Variants in LARP4B observed in about 807,000 individuals in gnomAD.
LARP4B encodes La ribonucleoprotein 4B.
Under a neutral mutation model 89.8 loss-of-function variants are expected in LARP4B, and 12 were observed. The observed-to-expected ratio is 0.13, with a 90% confidence interval of 0.09 to 0.22. The LOEUF is 0.22. LARP4B is among the 10% of genes least tolerant of loss of function. LARP4B has a pLI of 1.00. For synonymous variants in LARP4B, 367 were observed against 363.3 expected (o/e 1.01, Z -0.12); for missense variants, 757 against 947.7 (o/e 0.80, Z 2.64).
the LARP4B span, among the ~76,000 whole-genome samples, chr10:975,338 A>G: frequency 6.6e-6 from 1 of 152,154 alleles, no homozygotes; most frequent in Non-Finnish European, 1.5e-5. Context: ...TTTATTTACT[A>G]ATGTCCCCAC....
chr10:981,799 C>A, the LARP4B span, among the ~76,000 whole-genome samples: 1 of 152,108 alleles, frequency 6.6e-6, no homozygotes, highest in South Asian at 2.1e-4. Flanking sequence ...GAACTCCTGA[C>A]CTCATGATCC....
intron 1 of LARP4B, among the ~76,000 whole-genome samples, chr10:909,117 AC>A (rs931458864): frequency 2.0e-5 from 3 of 151,864 alleles, no homozygotes; most frequent in South Asian, 4.2e-4. Context: ...ACACGGTGAA[AC>A]CCCGTCTCTA....
downstream of LARP4B, chr10:808,818 GCTT>G (rs1831640382): frequency 6.6e-6 from 1 of 151,008 alleles, no homozygotes; most frequent in African/African-American, 2.4e-5. Context: ...GTAGGGAAAG[GCTT>G]CTTAAGCAAG....
At chr10:900,024 G>A (rs939427310) in intron 1 of LARP4B, among the ~76,000 whole-genome samples, 1 of 151,418 alleles carries the variant, frequency 6.6e-6, no homozygotes, top group African/African-American at 2.4e-5. Context: ...AAAAAAAAAT[G>A]ATCACAGAAG....
intron 3 of LARP4B, among the ~76,000 whole-genome samples, chr10:881,133 C>T (rs913589607): frequency 1.3e-5 from 2 of 152,134 alleles, no homozygotes; most frequent in African/African-American, 4.8e-5. Flanking sequence ...AGGTAAAGAA[C>T]CTTTAACCAA....
chr10:911,844 T>A (rs984716032), intron 1 of LARP4B, among the ~76,000 whole-genome samples: 2 of 152,218 alleles, frequency 1.3e-5, no homozygotes, highest in Non-Finnish European at 2.9e-5. Flanking sequence ...CTGACTTTTG[T>A]GTGTGCAATG....
chr10:883,889 T>A (rs866815567), intron 3 of LARP4B, among the ~76,000 whole-genome samples: 4 of 152,202 alleles, frequency 2.6e-5, no homozygotes, highest in Admixed American at 1.3e-4. Context: ...ATAAAATATT[T>A]TTACTTTTTA....
At chr10:928,176 C>A (rs1005051998) in intron 1 of LARP4B, among the ~76,000 whole-genome samples, 1 of 150,886 alleles carries the variant, frequency 6.6e-6, no homozygotes, top group Non-Finnish European at 1.5e-5. Context: ...GAGCCAAGAA[C>A]GCACCATTGC....
chr10:905,522 A>G (rs1412842077), intron 1 of LARP4B, among the ~76,000 whole-genome samples: 1 of 152,204 alleles, frequency 6.6e-6, no homozygotes, highest in Non-Finnish European at 1.5e-5. Context: ...TCCTATCTTC[A>G]TTAGTCCCTC....
chr10:915,852 G>T (rs905669415), intron 1 of LARP4B, among the ~76,000 whole-genome samples: 4 of 146,836 alleles, frequency 2.7e-5, no homozygotes, highest in Non-Finnish European at 3.0e-5. Flanking sequence ...AAAAAAAAAG[G>T]TTTTTGCTTT....
At chr10:909,165 G>T (rs1836590574) in intron 1 of LARP4B, among the ~76,000 whole-genome samples, 1 of 152,022 alleles carries the variant, frequency 6.6e-6, no homozygotes, top group South Asian at 2.1e-4. Context: ...ATGGTGGTGG[G>T]CACTTGTAGT....
At chr10:936,430 A>G (rs1830748563), upstream of LARP4B, among the ~76,000 whole-genome samples, 1 of 152,148 alleles carries the variant, frequency 6.6e-6, no homozygotes, top group Non-Finnish European at 1.5e-5. Context: ...ACGATTTACT[A>G]CGAGGCAGGC....
At chr10:835,500 T>C (rs933645447) in intron 8 of LARP4B, among the ~76,000 whole-genome samples, 21 of 152,176 alleles carry the variant, frequency 1.4e-4, no homozygotes, top group African/African-American at 4.3e-4. Context: ...TTTTCTGAGG[T>C]AGGATAAACT....
At chr10:946,300 T>G in the LARP4B span, among the ~76,000 whole-genome samples, 1 of 152,326 alleles carries the variant, frequency 6.6e-6, no homozygotes, top group South Asian at 2.1e-4. Context: ...TGGGGAGGCC[T>G]TTACACCCCT....
At chr10:885,585 A>C in intron 2 of LARP4B, 56 bp downstream of exon 2, 1 of 1,278,766 alleles carries the variant, frequency 7.8e-7, no homozygotes, top group Non-Finnish European at 1.1e-6. Context: ...TCCAATATAG[A>C]GTCCTTTATC....
intron 5 of LARP4B, among the ~76,000 whole-genome samples, chr10:849,139 CAAA>C (rs888806966): frequency 2.0e-5 from 3 of 151,784 alleles, no homozygotes; most frequent in African/African-American, 7.3e-5. Context: ...AACAGCGAAA[CAAA>C]GAAGAAGGCT....
At chr10:892,902 ATTTTTTT>A (rs56051964) in intron 1 of LARP4B, among the ~76,000 whole-genome samples, 13 of 117,946 alleles carry the variant, frequency 1.1e-4, no homozygotes, top group African/African-American at 1.7e-4. Flanking sequence ...ACCAAGAGAA[ATTTTTTT>A]TTTTTTTTTT....
the LARP4B span, among the ~76,000 whole-genome samples, chr10:949,524 C>T: frequency 6.6e-6 from 1 of 152,144 alleles, no homozygotes; most frequent in African/African-American, 2.4e-5. Flanking sequence ...TGACCTCCAA[C>T]CCGTTTTCCA....
At chr10:922,984 A>G (rs1039810029) in intron 1 of LARP4B, among the ~76,000 whole-genome samples, 1 of 152,132 alleles carries the variant, frequency 6.6e-6, no homozygotes, top group African/African-American at 2.4e-5. Context: ...CTGAGGCAGG[A>G]GAATGGCGTG....
Sources: gnomAD v4.1 joint callset for allele counts (sites outside exome capture counted in the v4.1 genomes callset) on GRCh38, gnomAD v4.1.1 for gene constraint, MANE v1.5 for transcripts, NCBI Gene and HGNC (gene_info 2026-07-23, HGNC 2026-07-21) for gene names.